Variants in CHD3 observed in about 807,000 individuals in gnomAD.
The protein encoded by CHD3 is ATP-dependent chromatin remodeler CHD3.
A neutral mutation model predicts 248.9 loss-of-function variants in CHD3; 52 were observed. That is an observed-to-expected ratio of 0.21 (90% CI 0.17 to 0.26). CHD3 has a LOEUF of 0.26. Ranked by LOEUF, CHD3 falls within the 10% of genes least tolerant of loss-of-function variation. CHD3 has a pLI of 1.00. For missense variants in CHD3, 1,482 were observed against 2,605.8 expected (o/e 0.57, Z 9.39); for synonymous variants, 985 against 985.2 (o/e 1.00, Z 0.00).
chr17:7,887,230 T>C (rs1448768923), upstream of CHD3, among the ~76,000 whole-genome samples: 3 of 152,212 alleles, frequency 2.0e-5, no homozygotes, highest in East Asian at 3.8e-4. Flanking sequence ...GAGATTTCCA[T>C]TGTTTTCCAT....
At position 7,906,941 on chromosome 17, in the gene CHD3, A is replaced by G. The variant is rs1287904338; in HGVS notation, c.4576A>G (p.Lys1526Glu). The part of the protein sequence containing the change: ...ELMPDPSADS[K>E]RSSRASSPTK... The stretch of plus-strand genomic sequence containing the variant: ...GATGCCTGACCCCAGCGCCGATTCT[A>G]AGCGCTCCTCCAGAGCCTCCTCTCC... Residue 1526 changes from lysine to glutamate, a missense_variant, in exon 30 of 40, where the codon AAG (lysine) becomes GAG (glutamate). Transcript: ENST00000330494. The surrounding 1 kb of genome is among the most constrained non-coding windows in gnomAD (Gnocchi z 5.0). The G allele has an allele frequency of 1.2e-6, 2 of 1,613,968 alleles. No homozygotes were observed. The highest frequency in any genetic ancestry group is 2.2e-5 in the East Asian group (1 of 44,872).
At position 7,906,024 on chromosome 17, in the gene CHD3, A is replaced by G. The variant is rs201620031; in HGVS notation, c.4358+35A>G. Reference sequence around the variant, plus strand: ...GGTGATACAGGGCTGAGTTGGACGCAAGGGGAAGAGCTTTGGGTGTTCCTT... The same window carrying G: ...GGTGATACAGGGCTGAGTTGGACGCGAGGGGAAGAGCTTTGGGTGTTCCTT... On this transcript the variant is annotated intron_variant, in intron 28 of 39. Transcript: ENST00000330494. The surrounding 1 kb of genome is among the most constrained non-coding windows in gnomAD (Gnocchi z 5.0). 34 of 1,611,636 alleles carry G rather than the reference A, an allele frequency of 2.1e-5. No homozygotes were observed.
chr17:7,906,508 CT>C lies in CHD3; in HGVS notation c.4359-43del, dbSNP rs1162309869. 1 of 1,609,444 alleles carries C rather than the reference CT, an allele frequency of 6.2e-7. No individual in the cohort carries two copies. Among genetic ancestry groups the C allele is most frequent in the African/African-American group, 1.3e-5 (1 of 74,708 alleles). On this transcript the variant is annotated intron_variant, in intron 28 of 39. Coordinates refer to ENST00000330494, the MANE Select transcript of CHD3 (RefSeq NM_001005273.3). The surrounding 1 kb of genome is among the most constrained non-coding windows in gnomAD (Gnocchi z 5.0). Reference sequence around the variant, plus strand: ...GCGCCTCCCTCACTGCCCTATACCCCTTCTGTGGCTCCCCTAACCCTCCTCC... The same window carrying C: ...GCGCCTCCCTCACTGCCCTATACCCCTCTGTGGCTCCCCTAACCCTCCTCC...
rs2151697735 is a variant in CHD3 at position 7,911,845 on chromosome 17, TC to T, written c.*262del. The T allele has an allele frequency of 3.0e-6, 3 of 1,000,092 alleles. No homozygotes were observed. Among genetic ancestry groups the T allele is most frequent in the South Asian group, 2.9e-5 (2 of 69,286 alleles). The allele number at this position is 1,000,092 out of a possible 1,614,324, so 62.0% of individuals were successfully genotyped here. A position where few individuals can be genotyped will look rare whatever the true frequency, so the allele number is the denominator to read the frequency against. ...GGGTGGGAGATGGCTGGCAGGGTCT[TC>T]CAAGTACCTTCCTCCCACACTGCCA... On this transcript the variant is annotated 3_prime_UTR_variant, in exon 40 of 40. Transcript: ENST00000330494. This position sits in a 1 kb window ranked among gnomAD's most constrained non-coding sequence, Gnocchi z 5.4.
In CHD3 at chr17:7,911,068, CA is replaced by C; in HGVS notation, c.5881+96del. 1 of 1,532,264 alleles carries C rather than the reference CA, an allele frequency of 6.5e-7. No homozygotes were observed. The highest frequency in any genetic ancestry group is 1.4e-5 in the African/African-American group (1 of 72,070). The allele number at this position is 1,532,264 out of a possible 1,614,324, so 94.9% of individuals were successfully genotyped here. ...GCCCTTTAACTGCTCTAGTCCATCT[CA>C]TTTCCTTGGTGGTATCCGGTGTTTT... is the stretch of plus-strand genomic sequence containing the variant. On this transcript the variant is annotated intron_variant, in intron 39 of 39. Transcript: ENST00000330494. This position sits in a 1 kb window ranked among gnomAD's most constrained non-coding sequence, Gnocchi z 5.4.
Position 7,907,887 on chromosome 17 carries a change from C to T in CHD3, c.5027-7C>T. ...AGGTGTGAGCTTTGACCTGTCTGTC[C>T]TAGCAGAAGATGTAAAAGGTGACCG... On this transcript the variant is annotated splice_region_variant and splice_polypyrimidine_tract_variant and intron_variant, in intron 33 of 39. Coordinates refer to ENST00000330494, the MANE Select transcript of CHD3 (RefSeq NM_001005273.3). This position sits in a 1 kb window ranked among gnomAD's most constrained non-coding sequence, Gnocchi z 4.3. 1.2e-6 allele frequency: 2 copies of T among 1,610,008 alleles called. No homozygotes were observed. The highest frequency in any genetic ancestry group is 1.7e-6 in the Non-Finnish European group (2 of 1,177,370).
At chr17:7,896,954 TG>T in intron 10 of CHD3, 128 bp from the exon 11 acceptor site, 1 of 756,512 alleles carries the variant, frequency 1.3e-6, no homozygotes. Context: ...CCACCGTGCC[TG>T]GGCCAATCCA....
rs1971074115 is a variant in CHD3, at chr17:7,907,201, A to G, written c.4742A>G (p.Glu1581Gly). ...LEKEEAENQEEKPEKNSRIGE... is the reference protein window; with the variant it reads ...LEKEEAENQEGKPEKNSRIGE... ...AAGGAGGAAGCTGAAAACCAGGAGG[A>G]AAAGCCAGAGAAGAACAGCAGAATT... The change falls in exon 31 of 40, where the codon GAA (glutamate) becomes GGA (glycine). Residue 1581 changes from glutamate to glycine, a missense_variant. By Grantham distance (98) the Glu-to-Gly change is moderately conservative. Coordinates refer to ENST00000330494, the MANE Select transcript of CHD3 (RefSeq NM_001005273.3). The surrounding 1 kb of genome is among the most constrained non-coding windows in gnomAD (Gnocchi z 4.3). 6.2e-7 allele frequency: 1 copy of G among 1,614,134 alleles called. No individual in the cohort carries two copies. Among genetic ancestry groups the G allele is most frequent in the Admixed American group, 1.7e-5 (1 of 60,014 alleles).
In CHD3 at chr17:7,893,587, A is replaced by C. The variant is rs753541191; in HGVS notation, c.793+18A>C. 2.7e-5 allele frequency: 42 copies of C among 1,546,158 alleles called. No individual in the cohort carries two copies. Among genetic ancestry groups the C allele is most frequent in the Non-Finnish European group, 3.4e-5 (39 of 1,147,086 alleles). On this transcript the variant is annotated intron_variant, in intron 5 of 39. Coordinates refer to ENST00000330494, the MANE Select transcript of CHD3 (RefSeq NM_001005273.3). ...GGGCAAAGGTAGGGAACTCTCTTCCAACAACTGTCATCTCACCTTCCAAAC... is the reference window on the plus strand; with the variant it reads ...GGGCAAAGGTAGGGAACTCTCTTCCCACAACTGTCATCTCACCTTCCAAAC...
Position 7,907,041 on chromosome 17 carries a change from AG to A in CHD3, c.4666+11del. On this transcript the variant is annotated intron_variant, in intron 30 of 39. Transcript: ENST00000330494. The surrounding 1 kb of genome is among the most constrained non-coding windows in gnomAD (Gnocchi z 4.3). ...TGCACCTCTAAACCTGGTAATCAGA[AG>A]TCAGGATGGTGGGAGAGACAGAAAG... The A allele has an allele frequency of 6.2e-7, 1 of 1,614,074 alleles. No individual in the cohort carries two copies. Among genetic ancestry groups the A allele is most frequent in the South Asian group, 1.1e-5 (1 of 91,076 alleles).
rs1483002744 is a variant in CHD3 at position 7,908,389 on chromosome 17, G to A, written c.5153-13G>A. On this transcript the variant is annotated splice_polypyrimidine_tract_variant and intron_variant, in intron 34 of 39. Coordinates refer to ENST00000330494, the MANE Select transcript of CHD3 (RefSeq NM_001005273.3). This position sits in a 1 kb window ranked among gnomAD's most constrained non-coding sequence, Gnocchi z 5.8. ...AACCCTGTTACCTCTTCTGTCTGCTGCCTTCTTTGCAGAGCTTCACACACT... is the reference window on the plus strand; with the variant it reads ...AACCCTGTTACCTCTTCTGTCTGCTACCTTCTTTGCAGAGCTTCACACACT... 8.7e-6 allele frequency: 14 copies of A among 1,608,056 alleles called. No homozygotes were observed. Among genetic ancestry groups the A allele is most frequent in the Non-Finnish European group, 1.2e-5 (14 of 1,176,182 alleles).
chr17:7,912,050 T>G lies in CHD3; in HGVS notation c.*465T>G. 1 of 280,816 alleles carries G rather than the reference T, an allele frequency of 3.6e-6. No individual in the cohort carries two copies. The highest frequency in any genetic ancestry group is 6.9e-6 in the Non-Finnish European group (1 of 144,042). 17.4% of individuals were successfully genotyped at this position (280,816 alleles called of 1,614,324 possible). A position where few individuals can be genotyped will look rare whatever the true frequency, so the allele number is the denominator to read the frequency against. ...AGAGGAGGGGGACTTTAGAGAGGGATGAAAATGAGCCCTGGGAGGGAGGAA... is the reference window on the plus strand; with the variant it reads ...AGAGGAGGGGGACTTTAGAGAGGGAGGAAAATGAGCCCTGGGAGGGAGGAA... On this transcript the variant is annotated 3_prime_UTR_variant, in exon 40 of 40. Coordinates refer to ENST00000330494, the MANE Select transcript of CHD3 (RefSeq NM_001005273.3).
rs200096964 is a variant in CHD3 at position 7,907,652 on chromosome 17, A to G, written c.4976A>G (p.Gln1659Arg). ...GGGGAGGAGAAGCCGTTGGATGGAC[A>G]GGAACACAGGGAGAGGCCGGAGGGG... is the stretch of plus-strand genomic sequence containing the variant. The part of the protein sequence containing the change: ...ERGEEKPLDG[Q>R]EHRERPEGET... Residue 1659 changes from glutamine (Q) to arginine (R), a missense_variant, in exon 33 of 40, where the codon CAG (glutamine) becomes CGG (arginine). By Grantham distance (43) the Gln-to-Arg change is conservative. Transcript: ENST00000330494. This position sits in a 1 kb window ranked among gnomAD's most constrained non-coding sequence, Gnocchi z 4.3. The G allele has an allele frequency of 1.8e-5, 27 of 1,535,080 alleles. No individual in the cohort carries two copies. The Admixed American group carries it at 5.2e-4, about 30-fold the overall frequency.
In CHD3 at chr17:7,899,067, G is replaced by T. The variant is rs1360288507; in HGVS notation, c.2208G>T (p.Leu736=). 1 of 1,614,108 alleles carries T rather than the reference G, an allele frequency of 6.2e-7. No individual in the cohort carries two copies. The highest frequency in any genetic ancestry group is 1.7e-5 in the Admixed American group (1 of 60,020). The part of the protein sequence containing the change: ...PRFITATGGT[L]HMYQLEGLNW... ...TTATCACAGCCACTGGAGGCACCCT[G>T]CACATGTATCAGTTGGAAGGGCTGA... Residue 736 remains leucine, a synonymous_variant, in exon 14 of 40, where the codon CTG becomes CTT. Coordinates refer to ENST00000330494, the MANE Select transcript of CHD3 (RefSeq NM_001005273.3). This position sits in a 1 kb window ranked among gnomAD's most constrained non-coding sequence, Gnocchi z 6.8.
At position 7,909,670 on chromosome 17, in the gene CHD3, G is replaced by A. The variant is rs966826978; in HGVS notation, c.5590+332G>A. ...ATACTGCTTAACATCATCCAGTTAG[G>A]GGCCTTGGACTGTGAATGCACCATA... On this transcript the variant is annotated intron_variant, in intron 37 of 39. Coordinates refer to ENST00000330494, the MANE Select transcript of CHD3 (RefSeq NM_001005273.3). This position sits in a 1 kb window ranked among gnomAD's most constrained non-coding sequence, Gnocchi z 8.1. 3.2e-5 allele frequency: 12 copies of A among 374,286 alleles called. No individual in the cohort carries two copies. Among genetic ancestry groups the A allele is most frequent in the African/African-American group, 2.4e-4 (11 of 46,450 alleles). 23.2% of individuals were successfully genotyped at this position (374,286 alleles called of 1,614,324 possible). A position where few individuals can be genotyped will look rare whatever the true frequency, so the allele number is the denominator to read the frequency against.
At chr17:7,902,588 C>G in intron 20 of CHD3, 22 bp from the exon 21 acceptor site, 1 of 1,516,586 alleles carries the variant, frequency 6.6e-7, no homozygotes, top group Non-Finnish European at 9.2e-7. Context: ...ATTGCAGACT[C>G]CATCCTTTTC....
rs146930588 is a variant in CHD3, at chr17:7,910,320, C to A, written c.5591-108C>A. The A allele has an allele frequency of 0.016, 21,982 of 1,360,094 alleles. 208 individuals carry two copies. Among genetic ancestry groups the A allele is most frequent in the South Asian group, 0.02 (1,738 of 85,714 alleles). 84.3% of individuals were successfully genotyped at this position (1,360,094 alleles called of 1,614,324 possible). The stretch of plus-strand genomic sequence containing the variant: ...TTGACATCTGTGTTCTCCTCTCTCG[C>A]TCTTTTTCTGCCTGTATCTGTCCAT... On this transcript the variant is annotated intron_variant, in intron 37 of 39. Transcript: ENST00000330494. The surrounding 1 kb of genome is among the most constrained non-coding windows in gnomAD (Gnocchi z 4.7).
In CHD3 at chr17:7,908,497, G is replaced by A. The variant is rs1239126572; in HGVS notation, c.5248G>A (p.Ala1750Thr). The A allele has an allele frequency of 1.9e-6, 3 of 1,613,468 alleles. No homozygotes were observed. In the African/African-American group the frequency reaches 4.0e-5, roughly 22 times the overall value. ...WHRRHDYWLLAGIVLHGYARW... is the reference protein window; with the variant it reads ...WHRRHDYWLLTGIVLHGYARW... Reference sequence around the variant, plus strand: ...CAGAAGACATGACTATTGGCTTCTGGCTGGGATTGTCCTGTATCCTTTGAT... The same window carrying A: ...CAGAAGACATGACTATTGGCTTCTGACTGGGATTGTCCTGTATCCTTTGAT... The change falls in exon 35 of 40, where the codon GCT becomes ACT. Residue 1750 changes from alanine to threonine, a missense_variant. Ala to Thr is a moderately conservative substitution (Grantham distance 58). Coordinates refer to ENST00000330494, the MANE Select transcript of CHD3 (RefSeq NM_001005273.3). This position sits in a 1 kb window ranked among gnomAD's most constrained non-coding sequence, Gnocchi z 5.8.
Position 7,900,203 on chromosome 17 carries a change from GC to G in CHD3, c.2683-86del. 1 of 1,551,252 alleles carries G rather than the reference GC, an allele frequency of 6.4e-7. No homozygotes were observed. Among genetic ancestry groups the G allele is most frequent in the Non-Finnish European group, 8.7e-7 (1 of 1,155,566 alleles). On this transcript the variant is annotated intron_variant, in intron 16 of 39. Coordinates refer to ENST00000330494, the MANE Select transcript of CHD3 (RefSeq NM_001005273.3). This position sits in a 1 kb window ranked among gnomAD's most constrained non-coding sequence, Gnocchi z 6.5. ...GCCTCTGATCCTGAGTGAAATGGGA[GC>G]TGGGGCAGGGAAAGGCTGATGCTGT...
Sources: gnomAD v4.1 joint callset for allele counts (sites outside exome capture counted in the v4.1 genomes callset) on GRCh38, gnomAD v4.1.1 for gene constraint, Gnocchi (gnomAD v3.1) non-coding constraint, MANE v1.5 for transcripts, NCBI Gene and HGNC (gene_info 2026-07-23, HGNC 2026-07-21) for gene names.